The following RAB10 variants were observed in gnomAD, a reference collection of about 807,000 sequenced individuals.
RAB10 encodes RAB10, member RAS oncogene family, also known as ras-related protein Rab-10.
A neutral mutation model predicts 25.7 loss-of-function variants in RAB10; 5 were observed. That is an observed-to-expected ratio of 0.19 (90% CI 0.10 to 0.41). The LOEUF (loss-of-function observed/expected upper bound fraction) is 0.41, where lower values mean the gene tolerates loss of function less well. Among genes scored for constraint, RAB10 ranks in the 10% least tolerant of loss-of-function variants. The probability of loss-of-function intolerance (pLI) is 1.00; values close to 1 mark genes in which losing one functional copy is unlikely to be tolerated. For missense variants in RAB10, 103 were observed against 245.8 expected (o/e 0.42, Z 3.89); for synonymous variants, 89 against 86.4 (o/e 1.03, Z -0.16).
chr2:26,106,867 A>C (rs376144127), intron 2 of RAB10, among the ~76,000 whole-genome samples: 1 of 152,280 alleles, frequency 6.6e-6, no homozygotes, highest in South Asian at 2.1e-4. Context: ...CCTGGGCGAC[A>C]GAGCAAGACT....
chr2:26,089,422 CAAAA>C (rs11315031), intron 1 of RAB10, among the ~76,000 whole-genome samples: 5 of 128,454 alleles, frequency 3.9e-5, no homozygotes, highest in Non-Finnish European at 5.1e-5. Context: ...GACTCTGTCT[CAAAA>C]AAAAAAAAAA....
intron 1 of RAB10, among the ~76,000 whole-genome samples, chr2:26,083,440 C>G (rs962030447): frequency 1.4e-5 from 2 of 146,758 alleles, no homozygotes; most frequent in East Asian, 4.0e-4. Flanking sequence ...CCCTCCCCTC[C>G]CCCAAAACCT....
chr2:26,079,069 C>A (rs1666803265), intron 1 of RAB10, among the ~76,000 whole-genome samples: 1 of 152,012 alleles, frequency 6.6e-6, no homozygotes, highest in African/African-American at 2.4e-5. Flanking sequence ...CACCTGTAGT[C>A]CCAGCTACTC....
chr2:26,039,349 A>T (rs1206192109), intron 1 of RAB10, among the ~76,000 whole-genome samples: 1 of 149,426 alleles, frequency 6.7e-6, no homozygotes, highest in Admixed American at 6.7e-5. Context: ...AAGTAAAAAA[A>T]TTTTTTTTCT....
intron 1 of RAB10, among the ~76,000 whole-genome samples, chr2:26,050,053 AT>A (rs1332306662): frequency 6.6e-6 from 1 of 152,108 alleles, no homozygotes; most frequent in Non-Finnish European, 1.5e-5. Context: ...TGCCTTGGGA[AT>A]TTCCTAAGGG....
intron 3 of RAB10, among the ~76,000 whole-genome samples, chr2:26,126,288 A>C (rs1288601819): frequency 6.6e-6 from 1 of 152,026 alleles, no homozygotes; most frequent in Non-Finnish European, 1.5e-5. Context: ...CCCAGCTAAT[A>C]TTATTTTGGC....
intron 5 of RAB10, among the ~76,000 whole-genome samples, chr2:26,133,515 G>C (rs1226672138): frequency 6.6e-6 from 1 of 152,084 alleles, no homozygotes; most frequent in East Asian, 1.9e-4. Flanking sequence ...TCTATATCCT[G>C]ATCTGGTAGT....
intron 3 of RAB10, among the ~76,000 whole-genome samples, chr2:26,117,628 A>AAC (rs796361510): frequency 9.5e-5 from 14 of 146,676 alleles, no homozygotes; most frequent in African/African-American, 3.3e-4. Flanking sequence ...TCAAAAAAAA[A>AAC]AAAAAAACAA....
chr2:26,112,712 A>G (rs1374598506), intron 3 of RAB10, among the ~76,000 whole-genome samples: 1 of 152,152 alleles, frequency 6.6e-6, no homozygotes, highest in Non-Finnish European at 1.5e-5. Context: ...GCAGTGAGCT[A>G]TTATCATACC....
At chr2:26,064,212 G>A (rs538523657) in intron 1 of RAB10, among the ~76,000 whole-genome samples, 31 of 152,106 alleles carry the variant, frequency 2.0e-4, no homozygotes, top group Non-Finnish European at 4.3e-4. Flanking sequence ...ATAATAATGA[G>A]GTCCAAATCC....
At chr2:26,132,453 C>A (rs1011896012) in intron 5 of RAB10, among the ~76,000 whole-genome samples, 1 of 152,142 alleles carries the variant, frequency 6.6e-6, no homozygotes, top group African/African-American at 2.4e-5. Flanking sequence ...AGGGTTTCAA[C>A]ATATTGGCCA....
intron 1 of RAB10, among the ~76,000 whole-genome samples, chr2:26,046,792 T>A (rs1268841504): frequency 6.6e-6 from 1 of 152,152 alleles, no homozygotes; most frequent in African/African-American, 2.4e-5. Context: ...GGAAAAACCA[T>A]TATTCTGGAG....
At chr2:26,066,112 A>G (rs955060418) in intron 1 of RAB10, among the ~76,000 whole-genome samples, 2 of 152,216 alleles carry the variant, frequency 1.3e-5, no homozygotes, top group South Asian at 2.1e-4. Context: ...GATTCCATGA[A>G]TTGGATGAAA....
chr2:26,044,369 A>C (rs372862573), intron 1 of RAB10, among the ~76,000 whole-genome samples: 1 of 152,080 alleles, frequency 6.6e-6, no homozygotes, highest in Non-Finnish European at 1.5e-5. Flanking sequence ...CTGTACTTTC[A>C]GTTGTTGAAG....
intron 1 of RAB10, among the ~76,000 whole-genome samples, chr2:26,051,158 A>T (rs1666123710): frequency 6.6e-6 from 1 of 151,462 alleles, no homozygotes; most frequent in Non-Finnish European, 1.5e-5. Flanking sequence ...GGCTGATCTT[A>T]ACTCCTGGGC....
At chr2:26,035,659 C>T (rs1665749528) in intron 1 of RAB10, among the ~76,000 whole-genome samples, 1 of 152,146 alleles carries the variant, frequency 6.6e-6, no homozygotes, top group Non-Finnish European at 1.5e-5. Flanking sequence ...GAAACCCATC[C>T]GCTCCGCAAT....
intron 1 of RAB10, among the ~76,000 whole-genome samples, chr2:26,041,938 G>A (rs1018854255): frequency 6.6e-6 from 1 of 152,070 alleles, no homozygotes; most frequent in African/African-American, 2.4e-5. Flanking sequence ...AAATTGAAAG[G>A]TTGTTTGAAA....
intron 1 of RAB10, among the ~76,000 whole-genome samples, chr2:26,068,600 A>AG (rs1236230911): frequency 1.3e-5 from 2 of 152,142 alleles, no homozygotes; most frequent in Non-Finnish European, 2.9e-5. Context: ...GACAATCCTG[A>AG]GCCAAGAGAC....
intron 1 of RAB10, among the ~76,000 whole-genome samples, chr2:26,088,637 C>G (rs559713242): frequency 4.5e-4 from 68 of 151,986 alleles, no homozygotes; most frequent in African/African-American, 1.6e-3. Context: ...TGGAGTCTTG[C>G]GAATCTTGCT....
Sources: allele counts gnomAD v4.1 joint callset (sites outside exome capture counted in the v4.1 genomes callset), GRCh38; gene constraint gnomAD v4.1.1; transcripts MANE v1.5; gene names NCBI Gene and HGNC (gene_info 2026-07-23, HGNC 2026-07-21).